Variants in NLGN1 observed in about 807,000 individuals in gnomAD.
NLGN1 encodes neuroligin 1.
In NLGN1, 12 loss-of-function variants were observed where a neutral mutation model predicts 65.5. The observed-to-expected ratio is 0.18, with a 90% CI of 0.12 to 0.30. NLGN1 has a LOEUF of 0.30. Ranked by LOEUF, NLGN1 falls within the 10% of genes least tolerant of loss-of-function variation. The pLI, the probability that NLGN1 is intolerant of heterozygous loss-of-function variation, is 1.00. For missense variants in NLGN1, 750 were observed against 1,007.1 expected (o/e 0.74, Z 3.46); for synonymous variants, 350 against 359.5 (o/e 0.97, Z 0.30).
chr3:173,522,634 C>T (rs910740634), intron 2 of NLGN1, among the ~76,000 whole-genome samples: 6 of 152,094 alleles, frequency 3.9e-5, no homozygotes, highest in African/African-American at 1.4e-4. Flanking sequence ...GGGGTTTCAC[C>T]ATGTTAGCCA....
chr3:174,026,759 C>G (rs1447968554), intron 4 of NLGN1, among the ~76,000 whole-genome samples: 1 of 152,148 alleles, frequency 6.6e-6, no homozygotes, highest in African/African-American at 2.4e-5. Context: ...ATTCTCTGCA[C>G]TTGAGGTCCA....
intron 4 of NLGN1, among the ~76,000 whole-genome samples, chr3:174,025,609 T>C (rs1464752063): frequency 2.6e-5 from 4 of 152,130 alleles, no homozygotes; most frequent in African/African-American, 4.8e-5. Flanking sequence ...TATAATAAGA[T>C]ATTTAAACTT....
chr3:173,413,780 C>G (rs1713091761), intron 1 of NLGN1, among the ~76,000 whole-genome samples: 1 of 152,066 alleles, frequency 6.6e-6, no homozygotes, highest in Admixed American at 6.5e-5. Context: ...AGCAGCAGGT[C>G]AAATGGGAAG....
intron 4 of NLGN1, among the ~76,000 whole-genome samples, chr3:174,063,444 T>C (rs2152521721): frequency 6.6e-6 from 1 of 152,306 alleles, no homozygotes; most frequent in African/African-American, 2.4e-5. Flanking sequence ...AATTTTGAGA[T>C]AAATAGAAGA....
intron 4 of NLGN1, among the ~76,000 whole-genome samples, chr3:174,032,545 A>T (rs1158391838): frequency 6.6e-6 from 1 of 152,142 alleles, no homozygotes; most frequent in African/African-American, 2.4e-5. Context: ...AGGGACATGG[A>T]AATATGTTTT....
At chr3:173,898,087 A>C (rs1736647653) in intron 4 of NLGN1, among the ~76,000 whole-genome samples, 1 of 152,214 alleles carries the variant, frequency 6.6e-6, no homozygotes, top group South Asian at 2.1e-4. Flanking sequence ...ACTGACATTT[A>C]TAAATGGTAA....
At chr3:174,172,431 C>A (rs1221618114) in intron 4 of NLGN1, among the ~76,000 whole-genome samples, 1 of 151,952 alleles carries the variant, frequency 6.6e-6, no homozygotes, top group Non-Finnish European at 1.5e-5. Flanking sequence ...CATACCTACC[C>A]TCCACTTCAT....
chr3:174,239,962 G>A (rs187717155), intron 4 of NLGN1, among the ~76,000 whole-genome samples: 207 of 152,236 alleles, frequency 1.4e-3, no homozygotes, highest in African/African-American at 4.8e-3. Flanking sequence ...CTCTGAAAAT[G>A]ATACAGGAAC....
chr3:173,986,470 A>C lies in NLGN1; in HGVS notation c.646+178638A>C, dbSNP rs138958894. Among the ~76,000 whole-genome samples the C allele has an allele frequency of 5.1e-3, 784 of 152,276 alleles. 5 individuals are homozygous for C. Among genetic ancestry groups the C allele is most frequent in the African/African-American group, 0.018 (740 of 41,554 alleles). On this transcript the variant is annotated intron_variant, in intron 4 of 6. Coordinates refer to ENST00000457714, the Ensembl canonical transcript of NLGN1. Reference sequence around the variant, plus strand: ...GGCAACAGAGCAAGACTCCATCTCAAAAAAATAGTAAATAAATAATAAATA... The same window carrying C: ...GGCAACAGAGCAAGACTCCATCTCACAAAAATAGTAAATAAATAATAAATA...
intron 4 of NLGN1, among the ~76,000 whole-genome samples, chr3:173,834,423 T>G (rs1185488943): frequency 6.6e-6 from 1 of 152,168 alleles, no homozygotes; most frequent in East Asian, 1.9e-4. Flanking sequence ...TTATTGGAAT[T>G]CCATTAAATA....
At chr3:173,501,758 TA>T (rs1731165168) in intron 2 of NLGN1, among the ~76,000 whole-genome samples, 1 of 151,760 alleles carries the variant, frequency 6.6e-6, no homozygotes, top group Non-Finnish European at 1.5e-5. Context: ...TCAGTGTATG[TA>T]AAAACATCTC....
intron 4 of NLGN1, among the ~76,000 whole-genome samples, chr3:174,079,971 AC>A (rs1400133542): frequency 6.6e-6 from 1 of 152,138 alleles, no homozygotes; most frequent in Non-Finnish European, 1.5e-5. Context: ...AATAATCTGT[AC>A]CACAAACCCC....
At chr3:174,029,512 T>A (rs1011676456) in intron 4 of NLGN1, among the ~76,000 whole-genome samples, 1 of 152,156 alleles carries the variant, frequency 6.6e-6, no homozygotes, top group Non-Finnish European at 1.5e-5. Context: ...TTTTACAGGC[T>A]CACAGGTGGA....
intron 3 of NLGN1, among the ~76,000 whole-genome samples, chr3:173,652,799 G>C (rs1446817551): frequency 3.3e-5 from 5 of 152,034 alleles, no homozygotes; most frequent in African/African-American, 1.2e-4. Context: ...TGATATTTTG[G>C]TTAGAAATTG....
chr3:174,020,639 T>A (rs1727571772), intron 4 of NLGN1, among the ~76,000 whole-genome samples: 1 of 152,082 alleles, frequency 6.6e-6, no homozygotes, highest in Non-Finnish European at 1.5e-5. Context: ...TATATTGGAG[T>A]CATTCACTAA....
chr3:173,966,406 G>A (rs1714876541), intron 4 of NLGN1, among the ~76,000 whole-genome samples: 1 of 152,168 alleles, frequency 6.6e-6, no homozygotes, highest in African/African-American at 2.4e-5. Context: ...GAAGGGGCTA[G>A]CATTAGAAAC....
At chr3:173,700,991 G>A (rs906848415) in intron 3 of NLGN1, among the ~76,000 whole-genome samples, 2 of 152,110 alleles carry the variant, frequency 1.3e-5, no homozygotes, top group Admixed American at 6.5e-5. Context: ...TGGGCGTGGT[G>A]GCGGGCGCCT....
intron 4 of NLGN1, among the ~76,000 whole-genome samples, chr3:173,897,439 C>T (rs1280142962): frequency 6.6e-6 from 1 of 152,174 alleles, no homozygotes; most frequent in Non-Finnish European, 1.5e-5. Flanking sequence ...AAACAGCCTG[C>T]ACTGATGTCC....
At chr3:173,889,427 A>G (rs1156339389) in intron 4 of NLGN1, among the ~76,000 whole-genome samples, 1 of 152,106 alleles carries the variant, frequency 6.6e-6, no homozygotes, top group East Asian at 1.9e-4. Context: ...GAGAGCAAAA[A>G]AGAGGTCAGT....
Sources: allele counts gnomAD v4.1 joint callset (sites outside exome capture counted in the v4.1 genomes callset), GRCh38; gene constraint gnomAD v4.1.1; transcripts MANE v1.5; gene names NCBI Gene and HGNC (gene_info 2026-07-23, HGNC 2026-07-21).